PPEF1: variants seen among roughly 807,000 people sequenced by gnomAD.
The protein encoded by PPEF1 is protein phosphatase with EF-hand domain 1.
Under a neutral mutation model 53.3 loss-of-function variants are expected in PPEF1, and 12 were observed. That is an observed-to-expected ratio of 0.23 (90% CI 0.14 to 0.36). PPEF1 has a LOEUF of 0.36. Among genes scored for constraint, PPEF1 ranks in the 10% least tolerant of loss-of-function variants. PPEF1 has a pLI of 1.00. For missense variants in PPEF1, 334 were observed against 490.4 expected, an observed-to-expected ratio of 0.68 and a Z score of 3.01; for synonymous variants, 165 against 176.7, an observed-to-expected ratio of 0.93 and a Z score of 0.52.
intron 8 of PPEF1, among the ~76,000 whole-genome samples, chrX:18,783,578 C>T (rs1291414966): frequency 4.5e-5 from 5 of 110,632 alleles, no homozygotes; most frequent in African/African-American, 1.6e-4. Flanking sequence ...ATTAGCCAGT[C>T]GTGGTGGCAC....
chrX:18,812,007 G>T (rs1167888049), intron 12 of PPEF1, among the ~76,000 whole-genome samples: 2 of 111,169 alleles, frequency 1.8e-5, no homozygotes, highest in South Asian at 3.9e-4. Context: ...TTTTCATTTT[G>T]ATGAAATCCA....
At chrX:18,793,943 G>A (rs933569523) in intron 10 of PPEF1, among the ~76,000 whole-genome samples, 1 of 111,613 alleles carries the variant, frequency 9.0e-6, no homozygotes, top group African/African-American at 3.3e-5. Context: ...CACCACCAGG[G>A]CTGGTGTGGA....
intron 7 of PPEF1, among the ~76,000 whole-genome samples, chrX:18,779,937 T>G (rs2046050580): frequency 8.9e-6 from 1 of 111,784 alleles, no homozygotes; most frequent in African/African-American, 3.3e-5. Flanking sequence ...GGGGCAGTTT[T>G]GGCGCCTGGC....
At chrX:18,782,115 G>T (rs2046098510) in intron 7 of PPEF1, among the ~76,000 whole-genome samples, 1 of 111,864 alleles carries the variant, frequency 8.9e-6, no homozygotes, top group Non-Finnish European at 1.9e-5. Context: ...TCTTATAATT[G>T]TTTCATAGAA....
chrX:18,739,850 C>G (rs1406835208), intron 3 of PPEF1, among the ~76,000 whole-genome samples: 4 of 112,512 alleles, frequency 3.6e-5, no homozygotes, highest in African/African-American at 6.5e-5. Flanking sequence ...GCCCCTCCCC[C>G]ACCCTTGCTG....
intron 7 of PPEF1, among the ~76,000 whole-genome samples, chrX:18,781,961 A>G (rs1446906109): frequency 1.8e-5 from 2 of 110,802 alleles, no homozygotes; most frequent in African/African-American, 6.6e-5. Flanking sequence ...CTTTTTTCCA[A>G]TCATTTACTG....
chrX:18,787,945 C>A (rs1812543258), intron 9 of PPEF1, among the ~76,000 whole-genome samples: 1 of 110,803 alleles, frequency 9.0e-6, no homozygotes, highest in African/African-American at 3.3e-5. Context: ...CTCAATGAGA[C>A]AGGACCTCAG....
At chrX:18,730,084 A>C in intron 1 of PPEF1, 97 bp from the exon 2 acceptor site, 5 of 897,837 alleles carry the variant, frequency 5.6e-6, no homozygotes, top group Non-Finnish European at 7.6e-6. Flanking sequence ...CTAGGAATCC[A>C]GGTGGACTGC....
chrX:18,746,612 G>A lies in PPEF1; in HGVS notation c.236-3180G>A, dbSNP rs1002780699. Among the ~76,000 whole-genome samples the A allele has an allele frequency of 6.3e-5, 7 of 111,936 alleles. No individual in the cohort carries two copies. In the Admixed American group the frequency reaches 6.7e-4, roughly 11 times the overall value. On this transcript the variant is annotated intron_variant, in intron 3 of 15. Coordinates refer to ENST00000470157, the MANE Select transcript of PPEF1 (RefSeq NM_001377996.1). ...GGAAGGGATGGAACTGATTTGCTGTGTCAGTTAGCCGATGGGAAAGGGAGA... is the reference window on the plus strand; with the variant it reads ...GGAAGGGATGGAACTGATTTGCTGTATCAGTTAGCCGATGGGAAAGGGAGA...
intron 12 of PPEF1, among the ~76,000 whole-genome samples, chrX:18,809,432 G>A (rs918965283): frequency 5.4e-5 from 6 of 110,730 alleles, no homozygotes; most frequent in African/African-American, 1.6e-4. Context: ...TTGGCCAAGC[G>A]CAGTGGCTCA....
intron 12 of PPEF1, among the ~76,000 whole-genome samples, chrX:18,812,694 T>G (rs2046833178): frequency 8.9e-6 from 1 of 112,336 alleles, no homozygotes; most frequent in Admixed American, 9.5e-5. Context: ...AGTCTAGGAC[T>G]TATTTTGCTA....
At chrX:18,710,519 T>C (rs1345813102) in intron 1 of PPEF1, among the ~76,000 whole-genome samples, 1 of 111,778 alleles carries the variant, frequency 8.9e-6, no homozygotes, top group East Asian at 2.8e-4. Flanking sequence ...GCAAAGGTCA[T>C]GAACAGACAT....
At chrX:18,681,411 T>G (rs1357028556), upstream of PPEF1, among the ~76,000 whole-genome samples, 1 of 112,333 alleles carries the variant, frequency 8.9e-6, no homozygotes, top group Non-Finnish European at 1.9e-5. Context: ...CTAAATAGTT[T>G]CCAGCATATA....
At chrX:18,718,992 A>G (rs1175566776) in intron 1 of PPEF1, among the ~76,000 whole-genome samples, 2 of 112,328 alleles carry the variant, frequency 1.8e-5, no homozygotes, top group Non-Finnish European at 3.8e-5. Flanking sequence ...CAGAATTTGC[A>G]GTCAAGATAT....
At chrX:18,682,351 G>C (rs1928913060), upstream of PPEF1, among the ~76,000 whole-genome samples, 1 of 112,509 alleles carries the variant, frequency 8.9e-6, no homozygotes, top group African/African-American at 3.2e-5. Flanking sequence ...TTACCTGCCT[G>C]TGCTCTTGCT....
rs1352521440 is a variant in PPEF1 at position 18,744,705 on chromosome X, G to A, written c.236-5087G>A. 2.8e-5 allele frequency among the ~76,000 whole-genome samples: 3 copies of A among 108,278 alleles called. No homozygotes were observed. In the East Asian group the frequency reaches 8.4e-4, roughly 30 times the overall value. 94.0% of individuals were successfully genotyped at this position (108,278 alleles called of 115,157 possible). A position where few individuals can be genotyped will look rare whatever the true frequency, so the allele number is the denominator to read the frequency against. On this transcript the variant is annotated intron_variant, in intron 3 of 15. Coordinates refer to ENST00000470157, the MANE Select transcript of PPEF1 (RefSeq NM_001377996.1). ...ATTTTCCCCATTATATCTTCCATTG[G>A]TTATCGGTAGTGTTTAGTAAAGCTT...
upstream of PPEF1, among the ~76,000 whole-genome samples, chrX:18,675,284 C>T (rs781626537): frequency 1.5e-3 from 167 of 113,677 alleles, no homozygotes; most frequent in Middle Eastern, 0.018. Context: ...GCACCCTGCT[C>T]GGGCTTTGCG....
chrX:18,685,819 C>T (rs887775453), intron 2 of PPEF1, among the ~76,000 whole-genome samples: 1 of 111,266 alleles, frequency 9.0e-6, no homozygotes, highest in Non-Finnish European at 1.9e-5. Context: ...CTGGGCTCAG[C>T]GTTCTTCTAA....
intron 12 of PPEF1, among the ~76,000 whole-genome samples, chrX:18,809,039 C>T (rs1406815935): frequency 1.8e-5 from 2 of 109,549 alleles, no homozygotes; most frequent in African/African-American, 3.3e-5. Context: ...GAAAGTGTGA[C>T]TGATATACGT....
Sources: allele counts gnomAD v4.1 joint callset (sites outside exome capture counted in the v4.1 genomes callset), GRCh38; gene constraint gnomAD v4.1.1; transcripts MANE v1.5; gene names NCBI Gene and HGNC (gene_info 2026-07-23, HGNC 2026-07-21).